The following SH3BGRL2 variants were observed in gnomAD, a reference collection of about 807,000 sequenced individuals.
SH3BGRL2 encodes the protein SH3 domain-binding glutamic acid-rich-like protein 2.
Under a neutral mutation model 14.8 loss-of-function variants are expected in SH3BGRL2, and 21 were observed. The ratio of observed to expected loss-of-function variants is 1.42; its 90% CI spans 1.01 to 2.05. The LOEUF (loss-of-function observed/expected upper bound fraction) is 2.05, where lower values mean the gene tolerates loss of function less well. Ranked by LOEUF, SH3BGRL2 falls within the 30% of genes most tolerant of loss-of-function variation. The pLI, the probability that SH3BGRL2 is intolerant of heterozygous loss-of-function variation, is 0.00. For synonymous variants in SH3BGRL2, 50 were observed against 47.8 expected (o/e 1.05, Z -0.19); for missense variants, 147 against 130.8 (o/e 1.12, Z -0.61).
the SH3BGRL2 span, among the ~76,000 whole-genome samples, chr6:79,558,055 G>C: frequency 6.6e-6 from 1 of 152,188 alleles, no homozygotes; most frequent in African/African-American, 2.4e-5. Flanking sequence ...TCTCCTAAAA[G>C]AGAAAACTAA....
At position 79,699,488 on chromosome 6, in the gene SH3BGRL2, T is replaced by TTA; in HGVS notation, c.313-9_313-8insAT. 6.5e-7 allele frequency: 1 copy of TTA among 1,542,470 alleles called. No homozygotes were observed. Among genetic ancestry groups the TTA allele is most frequent in the South Asian group, 1.3e-5 (1 of 79,762 alleles). ...CTTTTTTTTTTTTTTTTTTTTTTTT[T>TTA]TTTTTATAGGCAGAACCTTAGAGAA... On this transcript the variant is annotated splice_polypyrimidine_tract_variant and intron_variant, in intron 3 of 3. Transcript: ENST00000369838.
the SH3BGRL2 span, among the ~76,000 whole-genome samples, chr6:79,591,884 C>T: frequency 1.3e-5 from 2 of 152,098 alleles, no homozygotes; most frequent in African/African-American, 2.4e-5. Flanking sequence ...CTGTCTAATC[C>T]TCACACTGGT....
chr6:79,661,436 C>T (rs966656866), intron 1 of SH3BGRL2, among the ~76,000 whole-genome samples: 9 of 152,102 alleles, frequency 5.9e-5, no homozygotes, highest in South Asian at 2.1e-4. Context: ...TGTAGTTGTG[C>T]GGTTTTGAAT....
chr6:79,684,510 T>G (rs930309370), intron 2 of SH3BGRL2, among the ~76,000 whole-genome samples: 2 of 152,158 alleles, frequency 1.3e-5, no homozygotes, highest in Non-Finnish European at 2.9e-5. Flanking sequence ...ACAAACATGG[T>G]TATATGAATG....
the SH3BGRL2 span, among the ~76,000 whole-genome samples, chr6:79,546,345 A>G: frequency 6.6e-6 from 1 of 152,116 alleles, no homozygotes; most frequent in African/African-American, 2.4e-5. Context: ...CTGCTGCCTC[A>G]GAATCGTGGC....
At chr6:79,559,181 A>C in the SH3BGRL2 span, among the ~76,000 whole-genome samples, 14 of 152,296 alleles carry the variant, frequency 9.2e-5, no homozygotes, top group Admixed American at 6.5e-4. Context: ...ACCTGCAGAT[A>C]GACCAGGTAC....
chr6:79,635,339 G>T (rs145212927), intron 1 of SH3BGRL2, among the ~76,000 whole-genome samples: 1 of 152,166 alleles, frequency 6.6e-6, no homozygotes, highest in Non-Finnish European at 1.5e-5. Flanking sequence ...TGGCTTTTCC[G>T]GAAGCCATTT....
the SH3BGRL2 span, among the ~76,000 whole-genome samples, chr6:79,559,458 CA>C: frequency 6.6e-6 from 1 of 152,084 alleles, no homozygotes; most frequent in Admixed American, 6.5e-5. Context: ...AAACATTAGA[CA>C]AACCCCAAAT....
Position 79,699,550 on chromosome 6 carries a change from C to G in SH3BGRL2, c.*41C>G. ...GATGACGGAGATGCATTTTGAAGCA[C>G]CCCTGGTACTCAGCACACACATGCT... On this transcript the variant is annotated 3_prime_UTR_variant, in exon 4 of 4. Coordinates refer to ENST00000369838, the MANE Select transcript of SH3BGRL2 (RefSeq NM_031469.4). The G allele has an allele frequency of 6.5e-7, 1 of 1,548,514 alleles. No individual in the cohort carries two copies. The highest frequency in any genetic ancestry group is 8.7e-7 in the Non-Finnish European group (1 of 1,155,308).
chr6:79,652,275 G>GT (rs1769312237), intron 1 of SH3BGRL2, among the ~76,000 whole-genome samples: 1 of 152,172 alleles, frequency 6.6e-6, no homozygotes, highest in Non-Finnish European at 1.5e-5. Flanking sequence ...TGTTACCAGT[G>GT]TAAGTACTGC....
the SH3BGRL2 span, among the ~76,000 whole-genome samples, chr6:79,555,634 C>T: frequency 1.1e-4 from 17 of 152,014 alleles, no homozygotes; most frequent in African/African-American, 3.6e-4. Flanking sequence ...CCTCACCTTC[C>T]GAGTAGCTGG....
At chr6:79,652,102 A>G (rs534346468) in intron 1 of SH3BGRL2, among the ~76,000 whole-genome samples, 1 of 152,250 alleles carries the variant, frequency 6.6e-6, no homozygotes, top group South Asian at 2.1e-4. Flanking sequence ...GGCTTAGTTG[A>G]GTGCAGTGTG....
chr6:79,693,310 C>T (rs1770264330), intron 2 of SH3BGRL2, among the ~76,000 whole-genome samples: 2 of 151,654 alleles, frequency 1.3e-5, no homozygotes, highest in Non-Finnish European at 3.0e-5. Context: ...CAAACAGGGA[C>T]AATTTGACTT....
At chr6:79,593,444 A>G in the SH3BGRL2 span, among the ~76,000 whole-genome samples, 1 of 152,174 alleles carries the variant, frequency 6.6e-6, no homozygotes, top group Admixed American at 6.5e-5. Flanking sequence ...TTCTACCTTG[A>G]CAGCTACAGA....
the SH3BGRL2 span, among the ~76,000 whole-genome samples, chr6:79,559,987 A>G: frequency 6.6e-6 from 1 of 152,302 alleles, no homozygotes; most frequent in Admixed American, 6.5e-5. Context: ...AGGAGACAGA[A>G]TGTGCAAGAG....
At chr6:79,557,833 T>C in the SH3BGRL2 span, among the ~76,000 whole-genome samples, 1 of 152,202 alleles carries the variant, frequency 6.6e-6, no homozygotes, top group Non-Finnish European at 1.5e-5. Flanking sequence ...CATAACTTTT[T>C]CCAGATGCTC....
At chr6:79,683,661 A>G (rs537117459) in intron 2 of SH3BGRL2, among the ~76,000 whole-genome samples, 6 of 151,960 alleles carry the variant, frequency 3.9e-5, no homozygotes, top group African/African-American at 1.2e-4. Flanking sequence ...GTTTGCCAGG[A>G]TGGTCTTGAT....
the SH3BGRL2 span, among the ~76,000 whole-genome samples, chr6:79,595,071 A>C: frequency 6.6e-6 from 1 of 152,150 alleles, no homozygotes; most frequent in Non-Finnish European, 1.5e-5. Flanking sequence ...AGATCACCTG[A>C]GATCAGGAGT....
chr6:79,636,982 A>C (rs1747143744), intron 1 of SH3BGRL2, among the ~76,000 whole-genome samples: 1 of 152,190 alleles, frequency 6.6e-6, no homozygotes, highest in Admixed American at 6.5e-5. Context: ...GTGAGACATA[A>C]CTCAACACAT....
Sources: gnomAD v4.1 joint callset for allele counts (sites outside exome capture counted in the v4.1 genomes callset) on GRCh38, gnomAD v4.1.1 for gene constraint, MANE v1.5 for transcripts, NCBI Gene and HGNC (gene_info 2026-07-23, HGNC 2026-07-21) for gene names.